The following SEZ6L2 variants were observed in gnomAD, a reference collection of about 807,000 sequenced individuals.
The protein encoded by SEZ6L2 is seizure related 6 homolog like 2, also known as seizure 6-like protein 2.
Under a neutral mutation model 97.0 loss-of-function variants are expected in SEZ6L2, and 44 were observed. The ratio of observed to expected loss-of-function variants is 0.45; its 90% CI spans 0.36 to 0.58. The LOEUF (loss-of-function observed/expected upper bound fraction) is 0.58, where lower values mean the gene tolerates loss of function less well. Ranked by LOEUF, SEZ6L2 falls within the 20% of genes least tolerant of loss-of-function variation. The pLI is 0.00. For synonymous variants in SEZ6L2, 543 were observed against 546.1 expected, an observed-to-expected ratio of 0.99 and a Z score of 0.08; for missense variants, 1,086 against 1,233.3, an observed-to-expected ratio of 0.88 and a Z score of 1.79.
At position 29,899,107 on chromosome 16, in the gene SEZ6L2, A is replaced by ATT; in HGVS notation, c.-90_-89dup. ...CCGTCTCCGTTTATCTTTCCCTTTA[A>ATT]TTGTTTTTTTTTTTTTTTTTTTTTT... is the stretch of plus-strand genomic sequence containing the variant. On this transcript the variant is annotated 5_prime_UTR_variant, in exon 1 of 18. Transcript: ENST00000617533. The ATT allele has an allele frequency of 8.4e-5, 58 of 688,354 alleles. No individual in the cohort carries two copies. The highest frequency in any genetic ancestry group is 1.1e-4 in the Admixed American group (3 of 27,062). 42.6% of individuals were successfully genotyped at this position (688,354 alleles called of 1,614,324 possible). A position where few individuals can be genotyped will look rare whatever the true frequency, so the allele number is the denominator to read the frequency against.
chr16:29,877,265 C>A lies in SEZ6L2; in HGVS notation c.1909+6G>T. On this transcript the variant is annotated splice_donor_region_variant and intron_variant, in intron 11 of 17. Transcript: ENST00000617533. ...CTGCCCATCCCGGGACTCTATCCCT[C>A]AGTACCTTTGAAGTGCAATACGAAG... 6.4e-7 allele frequency: 1 copy of A among 1,574,572 alleles called. No individual in the cohort carries two copies. Among genetic ancestry groups the A allele is most frequent in the South Asian group, 1.2e-5 (1 of 85,304 alleles).
At chr16:29,891,822 G>A (rs551863326) in intron 5 of SEZ6L2, among the ~76,000 whole-genome samples, 1 of 152,216 alleles carries the variant, frequency 6.6e-6, no homozygotes, top group Admixed American at 6.5e-5. Flanking sequence ...ACCTATTAAC[G>A]GCAATAATAA....
Position 29,895,260 on chromosome 16 carries a change from C to T in SEZ6L2, c.852G>A (p.Gln284=), listed in dbSNP as rs770863996. 2.5e-6 allele frequency: 4 copies of T among 1,613,524 alleles called. No homozygotes were observed. The highest frequency in any genetic ancestry group is 3.4e-6 in the Non-Finnish European group (4 of 1,179,794). Residue 284 remains glutamine (Q), a splice_region_variant and synonymous_variant, in exon 5 of 18, where the codon CAG becomes CAA. Coordinates refer to ENST00000617533, the MANE Select transcript of SEZ6L2 (RefSeq NM_001243332.2). ...PRGGGFRIHY[Q]AYLLSCGFPP... is the part of the protein sequence containing the mutation. ...CAGCAGCACCCTCAAACTCCTCACC[C>T]TGATAGTGGATCCTGAAGCCACCGC...
At position 29,873,231 on chromosome 16, in the gene SEZ6L2, G is replaced by A. The variant is rs371764888; in HGVS notation, c.2488+9C>T. 6.8e-6 allele frequency: 11 copies of A among 1,613,338 alleles called. No individual in the cohort carries two copies. Among genetic ancestry groups the A allele is most frequent in the Non-Finnish European group, 8.5e-6 (10 of 1,179,860 alleles). On this transcript the variant is annotated intron_variant, in intron 14 of 17. Transcript: ENST00000617533. The surrounding 1 kb of genome is among the most constrained non-coding windows in gnomAD (Gnocchi z 4.3). ...TGGTGTGCCCCTCCTGCCCTGTCTG[G>A]CCAGGCACCTTTGCAGAGTGGGGGC... is the stretch of plus-strand genomic sequence containing the variant.
intron 4 of SEZ6L2, 75 bp downstream of exon 4, chr16:29,895,646 G>A: frequency 6.5e-7 from 1 of 1,527,854 alleles, no homozygotes. Context: ...TGGCTCCCAG[G>A]CCAAACCCGT....
At chr16:29,880,195 T>A in intron 8 of SEZ6L2, 131 bp from the exon 9 acceptor site, 1 of 813,678 alleles carries the variant, frequency 1.2e-6, no homozygotes, top group African/African-American at 1.7e-5. Flanking sequence ...AACAGTCTTG[T>A]GCTGTCGCCC....
rs745519180 is a variant in SEZ6L2 at position 29,872,267 on chromosome 16, G to A, written c.2662C>T (p.Leu888Phe). ...IYYTKLQGKS[L>F]FGFSGSHSYS... ...GAGTGGGAGCCCGAGAAGCCGAAAAGGGACTTTCCCTGAAGCCTGGGAAAG... is the reference window on the plus strand; with the variant it reads ...GAGTGGGAGCCCGAGAAGCCGAAAAAGGACTTTCCCTGAAGCCTGGGAAAG... The change falls in exon 17 of 18, where the codon CTT (leucine) becomes TTT (phenylalanine). Residue 888 changes from leucine (L) to phenylalanine (F), a missense_variant. Leu to Phe is a conservative substitution (Grantham distance 22). Transcript: ENST00000617533. 8 of 1,612,094 alleles carry A rather than the reference G, an allele frequency of 5.0e-6. No homozygotes were observed. In the South Asian group the frequency reaches 5.5e-5, roughly 11 times the overall value.
At chr16:29,891,232 G>C (rs2068265838) in intron 5 of SEZ6L2, among the ~76,000 whole-genome samples, 1 of 151,012 alleles carries the variant, frequency 6.6e-6, no homozygotes, top group Non-Finnish European at 1.5e-5. Flanking sequence ...GAACCACTGT[G>C]CTGGTATTTT....
At chr16:29,872,798 T>A in intron 14 of SEZ6L2, 55 bp from the exon 15 acceptor site, 4 of 1,193,252 alleles carry the variant, frequency 3.4e-6, no homozygotes, top group Non-Finnish European at 4.8e-6. Flanking sequence ...GGGAGGAGGC[T>A]GGGAGGGGCC....
chr16:29,873,654 G>A lies in SEZ6L2; in HGVS notation c.2180C>T (p.Ser727Phe). 6.2e-7 allele frequency: 1 copy of A among 1,613,758 alleles called. No homozygotes were observed. Among genetic ancestry groups the A allele is most frequent in the Non-Finnish European group, 8.5e-7 (1 of 1,179,920 alleles). ...TASDAGFPVG[S>F]HVQYRCLPGY... ...TGGCAGGCAGCGGTACTGGACGTGG[G>A]AGCCAACGGGGAAGCCGGCGTCCGA... Residue 727 changes from serine (S) to phenylalanine (F), a missense_variant, in exon 13 of 18, where the codon TCC (serine) becomes TTC (phenylalanine). Coordinates refer to ENST00000617533, the MANE Select transcript of SEZ6L2 (RefSeq NM_001243332.2). This position sits in a 1 kb window ranked among gnomAD's most constrained non-coding sequence, Gnocchi z 4.3.
In SEZ6L2 at chr16:29,871,725, T is replaced by G; in HGVS notation, c.2746A>C (p.Thr916Pro). The G allele has an allele frequency of 6.2e-7, 1 of 1,608,698 alleles. No individual in the cohort carries two copies. The highest frequency in any genetic ancestry group is 8.5e-7 in the Non-Finnish European group (1 of 1,177,458). Residue 916 changes from threonine to proline, a missense_variant, in exon 18 of 18, where the codon ACG becomes CCG. Physicochemically the swap from Thr to Pro is conservative, Grantham distance 38. Coordinates refer to ENST00000617533, the MANE Select transcript of SEZ6L2 (RefSeq NM_001243332.2). Reference protein sequence around the residue: ...FSNPLYEAGDTREYEVSI With the variant: ...FSNPLYEAGDPREYEVSI ...CAGATGGAAACTTCATACTCCCGCG[T>G]ATCCTGAAGACAGAGAGATCAGGTC...
chr16:29,880,612 T>G (rs958860481), intron 8 of SEZ6L2, among the ~76,000 whole-genome samples: 5 of 147,014 alleles, frequency 3.4e-5, no homozygotes, highest in Non-Finnish European at 7.6e-5. Context: ...TGAGCCACCG[T>G]GCCTGGCCAA....
intron 2 of SEZ6L2, 84 bp downstream of exon 2, chr16:29,897,769 C>G (rs1224165010): frequency 1.9e-5 from 28 of 1,456,596 alleles, no homozygotes; most frequent in Non-Finnish European, 2.5e-5. Context: ...TCTGCCTGCT[C>G]TTCTCTAGCC....
chr16:29,898,513 G>A (rs1476576457), intron 1 of SEZ6L2, among the ~76,000 whole-genome samples: 1 of 151,954 alleles, frequency 6.6e-6, no homozygotes, highest in Non-Finnish European at 1.5e-5. Flanking sequence ...CTGGCTGGGG[G>A]TCAGAGTGGG....
At chr16:29,891,273 A>C (rs2150809136) in intron 5 of SEZ6L2, among the ~76,000 whole-genome samples, 1 of 149,904 alleles carries the variant, frequency 6.7e-6, no homozygotes, top group Admixed American at 6.6e-5. Flanking sequence ...TATGTTGGCC[A>C]GGCTGGTCTT....
chr16:29,895,228 G>C, intron 5 of SEZ6L2, 31 bp downstream of exon 5: 1 of 1,376,990 alleles, frequency 7.3e-7, no homozygotes, highest in Non-Finnish European at 1.0e-6. Context: ...TATGGCCCCT[G>C]CCCTTCCAGC....
At chr16:29,898,903 C>G in intron 1 of SEZ6L2, 38 bp downstream of exon 1, 1 of 1,547,886 alleles carries the variant, frequency 6.5e-7, no homozygotes, top group Non-Finnish European at 8.9e-7. Flanking sequence ...CCGCTGGACG[C>G]CTTCCTGGGG....
In SEZ6L2 at chr16:29,895,811, T is replaced by C; in HGVS notation, c.561A>G (p.Pro187=). ...ISEGEGYVES[P]DLGSPVSRTL... The stretch of plus-strand genomic sequence containing the variant: ...TGCGGCTGACGGGGCTCCCCAGATC[T>C]GGAGACTCCACATACCCTTCGCCCT... Residue 187 remains proline, a synonymous_variant, in exon 4 of 18, where the codon CCA becomes CCG. Transcript: ENST00000617533. The C allele has an allele frequency of 6.2e-7, 1 of 1,614,108 alleles. No homozygotes were observed. Among genetic ancestry groups the C allele is most frequent in the East Asian group, 2.2e-5 (1 of 44,876 alleles).
At chr16:29,881,620 CTTTTTTTTTTTTT>C (rs59318540) in intron 8 of SEZ6L2, among the ~76,000 whole-genome samples, 1 of 85,120 alleles carries the variant, frequency 1.2e-5, no homozygotes, top group Non-Finnish European at 2.1e-5. Context: ...ATGAGGAATT[CTTTTTTTTTTTTT>C]TTTTTTTTTT....
Sources: gnomAD v4.1 joint callset for allele counts (sites outside exome capture counted in the v4.1 genomes callset) on GRCh38, gnomAD v4.1.1 for gene constraint, Gnocchi (gnomAD v3.1) non-coding constraint, MANE v1.5 for transcripts, NCBI Gene and HGNC (gene_info 2026-07-23, HGNC 2026-07-21) for gene names.